Variants in HERC1 observed in about 807,000 individuals in gnomAD.
HERC1 encodes the protein probable E3 ubiquitin-protein ligase HERC1.
Under a neutral mutation model 554.3 loss-of-function variants are expected in HERC1, and 160 were observed. The observed-to-expected ratio is 0.29, with a 90% CI of 0.25 to 0.33. The LOEUF (loss-of-function observed/expected upper bound fraction) is 0.33. Ranked by LOEUF, HERC1 falls within the 10% of genes least tolerant of loss-of-function variation. The probability of loss-of-function intolerance (pLI) is 1.00; values close to 1 mark genes in which losing one functional copy is unlikely to be tolerated. For missense variants in HERC1, 4,919 were observed against 5,918.5 expected (o/e 0.83, Z 5.54); for synonymous variants, 2,175 against 2,131.7 (o/e 1.02, Z -0.56).
At chr15:63,826,812 A>ATATATATATAT (rs1291253177) in intron 1 of HERC1, among the ~76,000 whole-genome samples, 4 of 37,384 alleles carry the variant, frequency 1.1e-4, no homozygotes, top group African/African-American at 4.0e-4. Context: ...AAAAAAAAAA[A>ATATATATATAT]AAATATATAT....
chr15:63,833,683 C>T (rs2078237358), intron 1 of HERC1, 144 bp downstream of exon 1: 1 of 152,390 alleles, frequency 6.6e-6, no homozygotes, highest in South Asian at 2.1e-4. Flanking sequence ...CCCCAGCAGC[C>T]CCGCTCGGCT....
intron 1 of HERC1, among the ~76,000 whole-genome samples, chr15:63,794,224 C>A (rs2076742376): frequency 3.3e-5 from 5 of 151,914 alleles, no homozygotes; most frequent in Admixed American, 3.3e-4. Context: ...GCCATTCTTT[C>A]ATTCCTTTAC....
At chr15:63,709,305 T>C (rs1306323415) in intron 24 of HERC1, among the ~76,000 whole-genome samples, 1 of 152,114 alleles carries the variant, frequency 6.6e-6, no homozygotes, top group Admixed American at 6.6e-5. Context: ...CCACTGCGCC[T>C]GGCCCAATCT....
At chr15:63,636,832 T>C (rs1296287999) in intron 64 of HERC1, among the ~76,000 whole-genome samples, 3 of 152,180 alleles carry the variant, frequency 2.0e-5, no homozygotes, top group African/African-American at 7.2e-5. Context: ...TCTCGAAGCT[T>C]GTGCAATGTC....
chr15:63,760,629 G>A (rs2075581558), intron 3 of HERC1, among the ~76,000 whole-genome samples: 1 of 151,598 alleles, frequency 6.6e-6, no homozygotes, highest in African/African-American at 2.4e-5. Flanking sequence ...AAGACAAAAA[G>A]CATTTTTAGA....
intron 16 of HERC1, 22 bp downstream of exon 16, chr15:63,729,214 T>C (rs1431619384): frequency 1.3e-6 from 2 of 1,581,582 alleles, no homozygotes; most frequent in Non-Finnish European, 1.7e-6. Flanking sequence ...TGATTAAATT[T>C]GAAATGAAAT....
In HERC1 at chr15:63,737,402, TATATATATATATATCTTTTTTCCAG is replaced by T. The variant is rs1434215533; in HGVS notation, c.2521-2578_2521-2554del. Among the ~76,000 whole-genome samples, 38 of 89,132 alleles carry T rather than the reference TATATATATATATATCTTTTTTCCAG, an allele frequency of 4.3e-4. 1 individual carries two copies. Among genetic ancestry groups the T allele is most frequent in the Admixed American group, 1.9e-3 (17 of 9,074 alleles). The allele number at this position is 89,132 out of a possible 152,430, so 58.5% of individuals were successfully genotyped here. ...TATATATATATATCGTTTTTCCAGA[TATATATATATATATCTTTTTTCCAG>T]ATATATATATATATATCTTTTTTCC... On this transcript the variant is annotated intron_variant, in intron 12 of 77. Coordinates refer to ENST00000443617, the MANE Select transcript of HERC1 (RefSeq NM_003922.4).
At chr15:63,815,009 T>A (rs1161695034) in intron 1 of HERC1, among the ~76,000 whole-genome samples, 1 of 152,224 alleles carries the variant, frequency 6.6e-6, no homozygotes, top group Non-Finnish European at 1.5e-5. Flanking sequence ...CCAAAGCATT[T>A]CTAAATCTGA....
At chr15:63,648,231 A>C in intron 54 of HERC1, 32 bp from the exon 55 acceptor site, 2 of 1,572,380 alleles carry the variant, frequency 1.3e-6, no homozygotes, top group Non-Finnish European at 1.7e-6. Flanking sequence ...AGTAAGGAAA[A>C]GATAATTATT....
At chr15:63,637,042 T>C in intron 64 of HERC1, 1 of 443,980 alleles carries the variant, frequency 2.3e-6, no homozygotes. Context: ...ATGAGTTCAG[T>C]TAATGAGCAA....
intron 16 of HERC1, 141 bp downstream of exon 16, chr15:63,729,095 C>G (rs912376449): frequency 5.0e-6 from 4 of 796,930 alleles, no homozygotes; most frequent in Non-Finnish European, 3.9e-6. Flanking sequence ...ACCCCCAAAC[C>G]AAGACTAAAG....
Position 63,694,204 on chromosome 15 carries a change from C to A in HERC1, c.5481-47G>T. 6.4e-7 allele frequency: 1 copy of A among 1,564,502 alleles called. No homozygotes were observed. The highest frequency in any genetic ancestry group is 8.7e-7 in the Non-Finnish European group (1 of 1,154,522). ...AATAAGTGGCAAACACACAGAAGGG[C>A]AAGCATAGTGCTTAAATACATAAAG... On this transcript the variant is annotated intron_variant, in intron 29 of 77. Transcript: ENST00000443617. This position sits in a 1 kb window ranked among gnomAD's most constrained non-coding sequence, Gnocchi z 4.3.
intron 12 of HERC1, among the ~76,000 whole-genome samples, 188 bp downstream of exon 12, chr15:63,746,730 T>C (rs1023332602): frequency 6.6e-6 from 1 of 152,232 alleles, no homozygotes; most frequent in Non-Finnish European, 1.5e-5. Context: ...ATAAAAAGTT[T>C]ATCAGAGATG....
Position 63,729,241 on chromosome 15 carries a change from A to G in HERC1, c.3149T>C (p.Leu1050Ser). The G allele has an allele frequency of 1.3e-6, 2 of 1,595,344 alleles. No individual in the cohort carries two copies. Among genetic ancestry groups the G allele is most frequent in the Non-Finnish European group, 1.7e-6 (2 of 1,174,712 alleles). ...AAATGAAATACCAAACTCACCTCTT[A>G]ATTTTTCTCCAACACTGCCATTCCA... ...SPWNGSVGEK[L>S]RDVIYVSAAG... Residue 1050 changes from leucine to serine, a missense_variant, in exon 16 of 78, where the codon TTA becomes TCA. Physicochemically the swap from Leu to Ser is moderately radical, Grantham distance 145. Transcript: ENST00000443617.
rs1254770510 is a variant in HERC1, at chr15:63,694,780, G to T, written c.5236C>A (p.His1746Asn). Reference sequence around the variant, plus strand: ...GCAGGAACCGTTTACTTACCAATGTGATGCTTGTTTGCTTGCAGGGCTCTT... The same window carrying T: ...GCAGGAACCGTTTACTTACCAATGTTATGCTTGTTTGCTTGCAGGGCTCTT... ...LERALQANKHHIEAQQRLLLV... is the reference protein window; with the variant it reads ...LERALQANKHNIEAQQRLLLV... The change falls in exon 28 of 78, where the codon CAC becomes AAC. Residue 1746 changes from histidine (H) to asparagine (N), a missense_variant. His to Asn is a moderately conservative substitution (Grantham distance 68). Around this residue, in one of 11 missense-constraint regions of HERC1, gnomAD observed 1,121 missense variants for 1,244.0 expected, o/e 0.90. Transcript: ENST00000443617. This position sits in a 1 kb window ranked among gnomAD's most constrained non-coding sequence, Gnocchi z 4.3. 1 of 1,613,882 alleles carries T rather than the reference G, an allele frequency of 6.2e-7. No individual in the cohort carries two copies. Among genetic ancestry groups the T allele is most frequent in the Non-Finnish European group, 8.5e-7 (1 of 1,179,846 alleles).
At chr15:63,642,576 A>C (rs1407651788) in intron 59 of HERC1, among the ~76,000 whole-genome samples, 1 of 152,134 alleles carries the variant, frequency 6.6e-6, no homozygotes, top group African/African-American at 2.4e-5. Flanking sequence ...GACCTTGAGC[A>C]ATCTGCCCAC....
At chr15:63,676,071 T>C (rs1336798398) in intron 37 of HERC1, among the ~76,000 whole-genome samples, 1 of 152,114 alleles carries the variant, frequency 6.6e-6, no homozygotes, top group Non-Finnish European at 1.5e-5. Context: ...GGCTGGCTTT[T>C]TTGTATTTTT....
At position 63,755,216 on chromosome 15, in the gene HERC1, T is replaced by TA. The variant is rs749751762; in HGVS notation, c.1630+12dup. The TA allele has an allele frequency of 4.5e-6, 7 of 1,570,984 alleles. No individual in the cohort carries two copies. Among genetic ancestry groups the TA allele is most frequent in the Non-Finnish European group, 6.1e-6 (7 of 1,141,526 alleles). On this transcript the variant is annotated intron_variant, in intron 6 of 77. Coordinates refer to ENST00000443617, the MANE Select transcript of HERC1 (RefSeq NM_003922.4). Reference sequence around the variant, plus strand: ...TTTCTAGAAGAATAACTTACATTTTTAAAAAATCTTACCTAATCTTCCAAA... The same window carrying TA: ...TTTCTAGAAGAATAACTTACATTTTTAAAAAAATCTTACCTAATCTTCCAAA...
intron 24 of HERC1, among the ~76,000 whole-genome samples, chr15:63,711,257 C>G (rs956980327): frequency 6.6e-6 from 1 of 152,032 alleles, no homozygotes; most frequent in Non-Finnish European, 1.5e-5. Context: ...CTCAGGAGTT[C>G]GAGGCTGCAC....
Sources: allele counts gnomAD v4.1 joint callset (sites outside exome capture counted in the v4.1 genomes callset), GRCh38; gene constraint gnomAD v4.1.1; regional missense constraint gnomAD v4.1.1; non-coding constraint Gnocchi (gnomAD v3.1); transcripts MANE v1.5; gene names NCBI Gene and HGNC (gene_info 2026-07-23, HGNC 2026-07-21).